Variants in MGLL observed in about 807,000 individuals in gnomAD.
MGLL encodes the protein monoglyceride lipase, also known as lysophospholipase homolog.
MGLL carries 7 observed loss-of-function variants against 29.1 expected under a neutral mutation model. The ratio of observed to expected loss-of-function variants is 0.24; its 90% CI spans 0.14 to 0.45. The LOEUF is 0.45. Ranked by LOEUF, MGLL falls within the 20% of genes least tolerant of loss-of-function variation. MGLL has a pLI of 0.99. For synonymous variants in MGLL, 148 were observed against 168.3 expected, an observed-to-expected ratio of 0.88 and a Z score of 0.93; for missense variants, 356 against 413.6, an observed-to-expected ratio of 0.86 and a Z score of 1.21.
chr3:127,743,971 T>C (rs1325606637), intron 3 of MGLL, among the ~76,000 whole-genome samples: 1 of 152,106 alleles, frequency 6.6e-6, no homozygotes. Context: ...ATGTCTCCCT[T>C]TGTGGCTCTC....
chr3:127,759,328 T>C (rs946172509), intron 3 of MGLL, among the ~76,000 whole-genome samples: 4 of 152,186 alleles, frequency 2.6e-5, no homozygotes, highest in Non-Finnish European at 5.9e-5. Flanking sequence ...CCCTTCTCTC[T>C]GCTATGCGTG....
At chr3:127,772,034 C>T (rs977608886) in intron 3 of MGLL, among the ~76,000 whole-genome samples, 3 of 152,266 alleles carry the variant, frequency 2.0e-5, no homozygotes, top group Middle Eastern at 3.4e-3. Flanking sequence ...TCCTACCGTC[C>T]CTCAAAAAGC....
intron 3 of MGLL, among the ~76,000 whole-genome samples, chr3:127,723,831 A>T (rs1011629990): frequency 2.6e-5 from 4 of 152,144 alleles, no homozygotes; most frequent in Non-Finnish European, 5.9e-5. Flanking sequence ...TGTGTCCCCC[A>T]AATCCATATG....
At position 127,716,002 on chromosome 3, in the gene MGLL, G is replaced by A. The variant is rs1189751376; in HGVS notation, c.510+5051C>T. The stretch of plus-strand genomic sequence containing the variant: ...GCCCCTGCATGGCTCCCCCATTGAG[G>A]TGAGACCCCCCGCACCTGCCCCATG... On this transcript the variant is annotated intron_variant, in intron 5 of 7. Transcript: ENST00000265052. 4 of 363,694 alleles carry A rather than the reference G, an allele frequency of 1.1e-5. No homozygotes were observed. In the Admixed American group the frequency reaches 1.4e-4, roughly 13 times the overall value. 22.5% of individuals were successfully genotyped at this position (363,694 alleles called of 1,614,324 possible).
chr3:127,811,900 G>A (rs2077669317), intron 2 of MGLL, among the ~76,000 whole-genome samples: 1 of 152,226 alleles, frequency 6.6e-6, no homozygotes, highest in African/African-American at 2.4e-5. Context: ...GAGCCCAGCT[G>A]GGAGCAACAG....
At chr3:127,776,326 TGATGCCCA>T (rs1404329974) in intron 3 of MGLL, among the ~76,000 whole-genome samples, 3 of 151,472 alleles carry the variant, frequency 2.0e-5, no homozygotes, top group Non-Finnish European at 4.4e-5. Context: ...TTTAAAATCC[TGATGCCCA>T]GGTGACACCA....
chr3:127,801,025 G>C (rs932093858), intron 2 of MGLL, among the ~76,000 whole-genome samples: 1 of 152,234 alleles, frequency 6.6e-6, no homozygotes, highest in Non-Finnish European at 1.5e-5. Flanking sequence ...TAATGAGCCA[G>C]GTGCGGTGGC....
intron 7 of MGLL, among the ~76,000 whole-genome samples, chr3:127,694,298 T>A (rs2075308012): frequency 5.6e-5 from 7 of 125,964 alleles, no homozygotes; most frequent in East Asian, 2.4e-4. Context: ...TATATATATA[T>A]ATATATATAT....
chr3:127,705,776 CAAAA>C (rs36125403), intron 6 of MGLL, among the ~76,000 whole-genome samples: 3 of 112,448 alleles, frequency 2.7e-5, no homozygotes, highest in South Asian at 2.9e-4. Context: ...AACTCCATCT[CAAAA>C]AAAAAAAAAA....
chr3:127,795,361 T>A (rs1309193675), intron 2 of MGLL, among the ~76,000 whole-genome samples: 1 of 142,470 alleles, frequency 7.0e-6, no homozygotes, highest in African/African-American at 2.6e-5. Context: ...CACATGGACA[T>A]AAAGCTGGGA....
intron 3 of MGLL, among the ~76,000 whole-genome samples, chr3:127,735,281 C>T (rs1343375245): frequency 6.6e-6 from 1 of 152,222 alleles, no homozygotes; most frequent in East Asian, 1.9e-4. Flanking sequence ...TACTTTACAA[C>T]TCAGCAATTC....
At chr3:127,736,296 A>T in intron 3 of MGLL, 1 of 985,990 alleles carries the variant, frequency 1.0e-6, no homozygotes, top group South Asian at 4.7e-5. Flanking sequence ...TTTTTTAACA[A>T]GAAGTGAAAC....
chr3:127,737,630 C>CTTTTTTTTTTTTTTTTTTTT lies in MGLL; in HGVS notation c.263-15084_263-15065dup, dbSNP rs774965066. 1.1e-3 allele frequency among the ~76,000 whole-genome samples: 76 copies of CTTTTTTTTTTTTTTTTTTTT among 68,608 alleles called. 13 individuals are homozygous for CTTTTTTTTTTTTTTTTTTTT. Among genetic ancestry groups the CTTTTTTTTTTTTTTTTTTTT allele is most frequent in the African/African-American group, 3.7e-3 (50 of 13,578 alleles). The allele number at this position is 68,608 out of a possible 152,430, so 45.0% of individuals were successfully genotyped here. ...GACACAGTGAAATCATCAACTGCTT[C>CTTTTTTTTTTTTTTTTTTTT]TTTTTTTTTTTTTTTTTTTTTTTTT... is the stretch of plus-strand genomic sequence containing the variant. On this transcript the variant is annotated intron_variant, in intron 3 of 7. Transcript: ENST00000265052.
intron 3 of MGLL, among the ~76,000 whole-genome samples, chr3:127,756,639 A>C (rs924899846): frequency 7.2e-5 from 11 of 152,354 alleles, no homozygotes; most frequent in African/African-American, 2.6e-4. Flanking sequence ...ACCATACCTG[A>C]ATCACAATAC....
At chr3:127,713,030 G>GT (rs1435756408) in intron 5 of MGLL, 1 of 152,326 alleles carries the variant, frequency 6.6e-6, no homozygotes, top group Non-Finnish European at 1.5e-5. Flanking sequence ...CTCTGGCTGT[G>GT]TAAGGACGAG....
At chr3:127,798,774 C>T (rs1027657941) in intron 2 of MGLL, among the ~76,000 whole-genome samples, 3 of 152,198 alleles carry the variant, frequency 2.0e-5, no homozygotes, top group African/African-American at 7.2e-5. Context: ...TCAGGATGCC[C>T]TTCCCATCCT....
intron 3 of MGLL, among the ~76,000 whole-genome samples, chr3:127,742,573 G>A (rs550417843): frequency 8.5e-6 from 1 of 118,340 alleles, no homozygotes; most frequent in South Asian, 3.0e-4. Flanking sequence ...CTGGGAGACA[G>A]AGCGAGACTC....
intron 3 of MGLL, among the ~76,000 whole-genome samples, chr3:127,776,384 G>GGA (rs2077037281): frequency 6.6e-6 from 1 of 152,196 alleles, no homozygotes; most frequent in East Asian, 1.9e-4. Flanking sequence ...TGGGGGAGGG[G>GGA]GAGCCCAGGC....
At chr3:127,741,468 G>A (rs1004848662) in intron 3 of MGLL, among the ~76,000 whole-genome samples, 17 of 152,212 alleles carry the variant, frequency 1.1e-4, no homozygotes, top group East Asian at 3.8e-4. Flanking sequence ...AGACAAAGCC[G>A]CCTGGTGTGG....
Sources: gnomAD v4.1 joint callset for allele counts (sites outside exome capture counted in the v4.1 genomes callset) on GRCh38, gnomAD v4.1.1 for gene constraint, MANE v1.5 for transcripts, NCBI Gene and HGNC (gene_info 2026-07-23, HGNC 2026-07-21) for gene names.